Variants in SEM1 observed in about 807,000 individuals in gnomAD.
SEM1 encodes 26S proteasome complex subunit SEM1.
SEM1 carries 3 observed loss-of-function variants against 12.7 expected under a neutral mutation model. The ratio of observed to expected loss-of-function variants is 0.24; its 90% CI spans 0.11 to 0.61. SEM1 has a LOEUF of 0.61. Among genes scored for constraint, SEM1 ranks in the 20% least tolerant of loss-of-function variants. The pLI is 0.88. For synonymous variants in SEM1, 30 were observed against 27.8 expected (o/e 1.08, Z -0.25); for missense variants, 59 against 81.3 (o/e 0.73, Z 1.06).
Position 96,694,927 on chromosome 7 carries a change from C to T in SEM1, c.77-36G>A, listed in dbSNP as rs376384565. The T allele has an allele frequency of 3.6e-5, 52 of 1,443,326 alleles. No homozygotes were observed. In the African/African-American group the frequency reaches 6.7e-4, roughly 19 times the overall value. 89.4% of individuals were successfully genotyped at this position (1,443,326 alleles called of 1,614,324 possible). A position where few individuals can be genotyped will look rare whatever the true frequency, so the allele number is the denominator to read the frequency against. ...AAACAGATGCTGTCTAAATATTTCT[C>T]ATACATTATTTCCACAATTACAAAA... On this transcript the variant is annotated intron_variant, in intron 1 of 2. Coordinates refer to ENST00000248566, the MANE Select transcript of SEM1 (RefSeq NM_006304.2).
intron 2 of SEM1, among the ~76,000 whole-genome samples, chr7:96,607,893 G>T (rs565401731): frequency 2.6e-5 from 4 of 152,132 alleles, no homozygotes; most frequent in Admixed American, 6.5e-5. Flanking sequence ...AGCAAGCATT[G>T]GTTGAGTGTC....
chr7:96,567,269 G>A (rs933077563), intron 2 of SEM1, among the ~76,000 whole-genome samples: 9 of 151,084 alleles, frequency 6.0e-5, no homozygotes, highest in African/African-American at 2.2e-4. Context: ...CTTTATATAT[G>A]TCTTGAACAT....
intron 2 of SEM1, among the ~76,000 whole-genome samples, chr7:96,581,471 T>A (rs1341612446): frequency 1.3e-5 from 2 of 151,846 alleles, no homozygotes; most frequent in Non-Finnish European, 2.9e-5. Context: ...TTTGGTTCCA[T>A]ATGAACTTTA....
At chr7:96,643,001 G>A (rs1222891357) in intron 2 of SEM1, among the ~76,000 whole-genome samples, 1 of 151,882 alleles carries the variant, frequency 6.6e-6, no homozygotes, top group Non-Finnish European at 1.5e-5. Flanking sequence ...TTGTTACATA[G>A]GTAAACTTGT....
chr7:96,486,279 G>A, exon 2 of SEM1: 2 of 1,537,094 alleles, frequency 1.3e-6, no homozygotes, highest in Non-Finnish European at 1.7e-6. Flanking sequence ...GCAAAGGCCG[G>A]ATGCTTACTC....
chr7:96,539,246 G>C (rs1284072614), intron 2 of SEM1, among the ~76,000 whole-genome samples: 1 of 151,804 alleles, frequency 6.6e-6, no homozygotes, highest in Non-Finnish European at 1.5e-5. Flanking sequence ...ATTTTTGAAA[G>C]AGCATGAAGC....
At chr7:96,675,985 G>A (rs1298361366) in intron 2 of SEM1, among the ~76,000 whole-genome samples, 2 of 152,142 alleles carry the variant, frequency 1.3e-5, no homozygotes, top group Non-Finnish European at 2.9e-5. Context: ...TTCTGTTGCA[G>A]GCAACCAAGA....
chr7:96,684,536 G>C (rs1186139931), downstream of SEM1, among the ~76,000 whole-genome samples: 2 of 152,070 alleles, frequency 1.3e-5, no homozygotes, highest in African/African-American at 2.4e-5. Flanking sequence ...GAAAAGGCAA[G>C]CACTGTACTA....
intron 2 of SEM1, among the ~76,000 whole-genome samples, chr7:96,535,784 A>T (rs1052365118): frequency 2.6e-5 from 4 of 151,970 alleles, no homozygotes; most frequent in African/African-American, 9.7e-5. Flanking sequence ...TGTAAAGGAC[A>T]TGATTTTTTA....
At chr7:96,540,107 A>T (rs543128486) in intron 2 of SEM1, among the ~76,000 whole-genome samples, 2 of 151,646 alleles carry the variant, frequency 1.3e-5, no homozygotes, top group South Asian at 4.1e-4. Flanking sequence ...TGTGAAACTG[A>T]TAATACAAAC....
At chr7:96,503,164 C>T (rs754603749) in intron 3 of SEM1, among the ~76,000 whole-genome samples, 19 of 152,082 alleles carry the variant, frequency 1.2e-4, no homozygotes, top group Non-Finnish European at 2.1e-4. Flanking sequence ...ATGATCAGCT[C>T]GGTTGTTAAA....
chr7:96,508,388 A>C (rs114462839), intron 2 of SEM1, among the ~76,000 whole-genome samples: 104 of 152,246 alleles, frequency 6.8e-4, no homozygotes, highest in African/African-American at 2.5e-3. Flanking sequence ...CAATGTAATA[A>C]AACACTTCTG....
chr7:96,605,320 T>A (rs1807317556), intron 2 of SEM1, among the ~76,000 whole-genome samples: 1 of 152,140 alleles, frequency 6.6e-6, no homozygotes. Flanking sequence ...CTTGAATTTT[T>A]TTCCCCAAAA....
chr7:96,675,808 T>A (rs1191398128), intron 2 of SEM1, among the ~76,000 whole-genome samples: 3 of 152,206 alleles, frequency 2.0e-5, no homozygotes, highest in Non-Finnish European at 4.4e-5. Flanking sequence ...CCAAATCCTT[T>A]GCAGCAGCAC....
chr7:96,648,280 G>A (rs1325891530), intron 2 of SEM1, among the ~76,000 whole-genome samples: 1 of 152,158 alleles, frequency 6.6e-6, no homozygotes, highest in East Asian at 1.9e-4. Context: ...GGACATCAAT[G>A]TTAGTTCTGG....
chr7:96,633,482 A>G (rs1029044020), intron 2 of SEM1, among the ~76,000 whole-genome samples: 3 of 152,170 alleles, frequency 2.0e-5, no homozygotes, highest in African/African-American at 7.2e-5. Flanking sequence ...TAGTGGATAC[A>G]CAGTCAATAT....
chr7:96,644,214 G>A (rs985368553), intron 2 of SEM1, among the ~76,000 whole-genome samples: 3 of 152,100 alleles, frequency 2.0e-5, no homozygotes, highest in African/African-American at 7.2e-5. Context: ...TGTGGTGGAG[G>A]TGGGATTCCA....
At chr7:96,483,843 T>A (rs764131359) in exon 4 of SEM1, 16 of 1,536,396 alleles carry the variant, frequency 1.0e-5, no homozygotes, top group African/African-American at 1.4e-5. Flanking sequence ...CTTCCATCTC[T>A]GCTATTGATA....
At position 96,667,348 on chromosome 7, in the gene SEM1, T is replaced by A. The variant is rs567415304; in HGVS notation, c.170+27450A>T. 1.1e-4 allele frequency among the ~76,000 whole-genome samples: 16 copies of A among 152,294 alleles called. No individual in the cohort carries two copies. In the East Asian group the frequency reaches 2.1e-3, roughly 20 times the overall value. On this transcript the variant is annotated intron_variant, in intron 2 of 2. Transcript: ENST00000417009. ...GAATCCTGGAGTCTCAGCCAACTAT[T>A]CCCTGGGTAACCACAAGCAAGTTAG...
Sources: gnomAD v4.1 joint callset for allele counts (sites outside exome capture counted in the v4.1 genomes callset) on GRCh38, gnomAD v4.1.1 for gene constraint, MANE v1.5 for transcripts, NCBI Gene and HGNC (gene_info 2026-07-23, HGNC 2026-07-21) for gene names.